The following KMT5B variants were observed in gnomAD, a reference collection of about 807,000 sequenced individuals.
KMT5B encodes histone-lysine N-methyltransferase KMT5B.
Under a neutral mutation model 83.2 loss-of-function variants are expected in KMT5B, and 10 were observed. The ratio of observed to expected loss-of-function variants is 0.12; its 90% CI spans 0.07 to 0.20. The LOEUF is 0.20. KMT5B is among the 10% of genes least tolerant of loss of function. The pLI is 1.00. For synonymous variants in KMT5B, 349 were observed against 388.8 expected, an observed-to-expected ratio of 0.90 and a Z score of 1.20; for missense variants, 753 against 1,067.2, an observed-to-expected ratio of 0.71 and a Z score of 4.10.
At chr11:68,181,012 G>A (rs1233066975) in intron 3 of KMT5B, among the ~76,000 whole-genome samples, 1 of 151,596 alleles carries the variant, frequency 6.6e-6, no homozygotes, top group Admixed American at 6.6e-5. Context: ...TAAAACCTGT[G>A]CACTCAAAAC....
intron 1 of KMT5B, among the ~76,000 whole-genome samples, chr11:68,207,621 T>C (rs117619297): frequency 0.051 from 7,772 of 151,590 alleles, 217 homozygotes; most frequent in African/African-American, 0.062. Context: ...TGAAAATCCA[T>C]TTCTACTAAA....
chr11:68,162,530 T>C (rs920053809), intron 10 of KMT5B, among the ~76,000 whole-genome samples: 5 of 152,206 alleles, frequency 3.3e-5, no homozygotes, highest in Admixed American at 3.3e-4. Flanking sequence ...CTATGTCTTC[T>C]CACAGCACCC....
chr11:68,205,930 A>T (rs1860048749), intron 1 of KMT5B, among the ~76,000 whole-genome samples: 1 of 152,160 alleles, frequency 6.6e-6, no homozygotes, highest in South Asian at 2.1e-4. Flanking sequence ...AGACGTTCGC[A>T]ATTCTTAGAC....
chr11:68,179,923 A>AT, intron 4 of KMT5B: 1 of 561,480 alleles, frequency 1.8e-6, no homozygotes, highest in Non-Finnish European at 3.0e-6. Context: ...CTTTTGAAGA[A>AT]TGATTTGTTT....
chr11:68,179,338 C>T (rs1565233885), intron 4 of KMT5B: 2 of 882,784 alleles, frequency 2.3e-6, no homozygotes, highest in Non-Finnish European at 1.5e-6. Context: ...TTTAAATCAA[C>T]CAAACATATC....
intron 10 of KMT5B, among the ~76,000 whole-genome samples, chr11:68,165,013 CCAA>C (rs749409000): frequency 6.6e-6 from 1 of 152,046 alleles, no homozygotes; most frequent in Non-Finnish European, 1.5e-5. Context: ...ATTAGTACAC[CCAA>C]CATCTTCCAA....
intron 10 of KMT5B, among the ~76,000 whole-genome samples, chr11:68,162,430 A>G (rs928336889): frequency 3.3e-5 from 5 of 152,106 alleles, no homozygotes; most frequent in African/African-American, 1.2e-4. Context: ...AATAGGCTTC[A>G]CTTGGCCAAC....
chr11:68,196,666 C>T (rs932969467), intron 1 of KMT5B, among the ~76,000 whole-genome samples: 1 of 151,786 alleles, frequency 6.6e-6, no homozygotes, highest in African/African-American at 2.4e-5. Context: ...CAGACAGAAA[C>T]AAGGCAGGAA....
chr11:68,204,611 G>GTTTTT (rs34315868), intron 1 of KMT5B, among the ~76,000 whole-genome samples: 18 of 106,158 alleles, frequency 1.7e-4, no homozygotes, highest in Non-Finnish European at 2.6e-4. Context: ...TAAATTTCCG[G>GTTTTT]TTTTTTTTTT....
At chr11:68,176,205 T>A (rs565876984) in intron 4 of KMT5B, among the ~76,000 whole-genome samples, 1 of 152,092 alleles carries the variant, frequency 6.6e-6, no homozygotes, top group Non-Finnish European at 1.5e-5. Context: ...GCGCCTGGCC[T>A]GCAGGGGTAG....
chr11:68,179,254 G>A (rs1199261262), intron 4 of KMT5B, among the ~76,000 whole-genome samples: 1 of 152,078 alleles, frequency 6.6e-6, no homozygotes, highest in African/African-American at 2.4e-5. Context: ...GACAAGGGAG[G>A]CAAGAAAAAC....
Position 68,171,825 on chromosome 11 carries a change from A to T in KMT5B, c.654-116T>A. 1.2e-6 allele frequency: 1 copy of T among 857,576 alleles called. No homozygotes were observed. The highest frequency in any genetic ancestry group is 1.8e-6 in the Non-Finnish European group (1 of 564,168). 53.1% of individuals were successfully genotyped at this position (857,576 alleles called of 1,614,324 possible). A position where few individuals can be genotyped will look rare whatever the true frequency, so the allele number is the denominator to read the frequency against. On this transcript the variant is annotated intron_variant, in intron 6 of 10. Coordinates refer to ENST00000304363, the MANE Select transcript of KMT5B (RefSeq NM_017635.5). This position sits in a 1 kb window ranked among gnomAD's most constrained non-coding sequence, Gnocchi z 5.1. ...AAACTGAAAAGGCCTAGCTGTCTAT[A>T]CTTTAGTTAGCTCACTGGGATCCCC...
At chr11:68,203,881 G>A (rs1859750789) in intron 1 of KMT5B, among the ~76,000 whole-genome samples, 1 of 148,906 alleles carries the variant, frequency 6.7e-6, no homozygotes, top group Non-Finnish European at 1.5e-5. Flanking sequence ...ATGGTAATCA[G>A]GTATCTAGAA....
At chr11:68,208,594 T>A (rs926433545) in intron 1 of KMT5B, among the ~76,000 whole-genome samples, 3 of 152,206 alleles carry the variant, frequency 2.0e-5, no homozygotes, top group African/African-American at 7.2e-5. Flanking sequence ...ATCAATCTGA[T>A]GCGAGCTGTA....
Position 68,203,666 on chromosome 11 carries a change from G to A in KMT5B, c.-77+9472C>T, listed in dbSNP as rs531084980. The stretch of plus-strand genomic sequence containing the variant: ...TGTTAGAAAACTACCACGAATTCAC[G>A]TTCATACCTGTAACCTTAAAACTTG... On this transcript the variant is annotated intron_variant, in intron 1 of 10. Transcript: ENST00000304363. 3.9e-5 allele frequency among the ~76,000 whole-genome samples: 6 copies of A among 152,218 alleles called. No individual in the cohort carries two copies. In the South Asian group the frequency reaches 6.2e-4, roughly 16 times the overall value.
At chr11:68,167,544 T>A (rs185248671) in intron 9 of KMT5B, among the ~76,000 whole-genome samples, 1 of 150,090 alleles carries the variant, frequency 6.7e-6, no homozygotes, top group East Asian at 2.0e-4. Context: ...AGCCTCAACC[T>A]CTTAGGCTCA....
At chr11:68,178,556 T>C (rs1174150728) in intron 4 of KMT5B, among the ~76,000 whole-genome samples, 3 of 152,178 alleles carry the variant, frequency 2.0e-5, no homozygotes, top group Non-Finnish European at 4.4e-5. Flanking sequence ...CCCAAACCTG[T>C]TAAAACTTAC....
chr11:68,210,414 T>C (rs559374693), intron 1 of KMT5B, among the ~76,000 whole-genome samples: 21 of 152,176 alleles, frequency 1.4e-4, no homozygotes, highest in African/African-American at 4.8e-4. Context: ...TAGGAGAAAA[T>C]AGGATGGCAG....
In KMT5B at chr11:68,179,231, TG is replaced by T. The variant is rs1351331914; in HGVS notation, c.377+900del. ...TGAATTTTAAAATTTCGTATTTGGGTGGGGGGGTGGGTGACAAGGGAGGCAA... is the reference window on the plus strand; with the variant it reads ...TGAATTTTAAAATTTCGTATTTGGGTGGGGGGTGGGTGACAAGGGAGGCAA... On this transcript the variant is annotated intron_variant, in intron 4 of 10. Transcript: ENST00000304363. Among the ~76,000 whole-genome samples, 29 of 9,510 alleles carry T rather than the reference TG, an allele frequency of 3.0e-3. No individual in the cohort carries two copies. The South Asian group carries it at 0.069, about 23-fold the overall frequency. 6.2% of individuals were successfully genotyped at this position (9,510 alleles called of 152,430 possible).
Sources: allele counts gnomAD v4.1 joint callset (sites outside exome capture counted in the v4.1 genomes callset), GRCh38; gene constraint gnomAD v4.1.1; non-coding constraint Gnocchi (gnomAD v3.1); transcripts MANE v1.5; gene names NCBI Gene and HGNC (gene_info 2026-07-23, HGNC 2026-07-21).